Variants in PTPRT observed in about 807,000 individuals in gnomAD.
PTPRT encodes the protein receptor-type tyrosine-protein phosphatase T.
In PTPRT, 56 loss-of-function variants were observed where a neutral mutation model predicts 176.8. The observed-to-expected ratio is 0.32, with a 90% CI of 0.26 to 0.40. The LOEUF (loss-of-function observed/expected upper bound fraction) is 0.40. Among genes scored for constraint, PTPRT ranks in the 10% least tolerant of loss-of-function variants. PTPRT has a pLI of 1.00. For synonymous variants in PTPRT, 783 were observed against 739.0 expected, an observed-to-expected ratio of 1.06 and a Z score of -0.96; for missense variants, 1,540 against 1,908.2, an observed-to-expected ratio of 0.81 and a Z score of 3.60.
intron 9 of PTPRT, among the ~76,000 whole-genome samples, chr20:42,438,362 T>G (rs537364461): frequency 6.6e-6 from 1 of 152,258 alleles, no homozygotes; most frequent in South Asian, 2.1e-4. Flanking sequence ...GGGAGCCCAC[T>G]GAAATGAAAG....
chr20:42,975,608 T>A (rs1982900730), intron 1 of PTPRT, among the ~76,000 whole-genome samples: 1 of 152,162 alleles, frequency 6.6e-6, no homozygotes, highest in South Asian at 2.1e-4. Context: ...TTCATAGTAT[T>A]GTGACGATGC....
chr20:42,920,592 A>G (rs1002202359), intron 1 of PTPRT, among the ~76,000 whole-genome samples: 1 of 152,108 alleles, frequency 6.6e-6, no homozygotes, highest in Non-Finnish European at 1.5e-5. Flanking sequence ...AGAGGAGAGG[A>G]AAAAAAGTCA....
intron 1 of PTPRT, among the ~76,000 whole-genome samples, chr20:43,069,525 T>C (rs1395716446): frequency 6.6e-6 from 1 of 152,250 alleles, no homozygotes; most frequent in Non-Finnish European, 1.5e-5. Flanking sequence ...AAACCCATTA[T>C]ATTTATTCAT....
rs372414965 is a variant in PTPRT at position 42,257,418 on chromosome 20, T to A, written c.2177-8596A>T. ...GCTGCCGTTTTAAACCCTTCACATATATTCTCTCTTTTAATCTTCACTGCC... is the reference window on the plus strand; with the variant it reads ...GCTGCCGTTTTAAACCCTTCACATAAATTCTCTCTTTTAATCTTCACTGCC... On this transcript the variant is annotated intron_variant, in intron 13 of 30. Coordinates refer to ENST00000373187, the MANE Select transcript of PTPRT (RefSeq NM_007050.6). Among the ~76,000 whole-genome samples the A allele has an allele frequency of 1.6e-4, 25 of 152,090 alleles. 1 individual carries two copies. The highest frequency in any genetic ancestry group is 6.0e-4 in the African/African-American group (25 of 41,432).
rs62203509 is a variant in PTPRT at position 42,456,081 on chromosome 20, G to A, written c.1451-7752C>T. Among the ~76,000 whole-genome samples, 1,320 of 151,908 alleles carry A rather than the reference G, an allele frequency of 8.7e-3. 11 individuals are homozygous for A. Among genetic ancestry groups the A allele is most frequent in the Middle Eastern group, 0.014 (4 of 292 alleles). ...ATCTTTTATTTAGGCCTTCCTTAAC[G>A]TCTTTCAGTGTTTTATAGATTTATA... On this transcript the variant is annotated intron_variant, in intron 8 of 30. Transcript: ENST00000373187.
intron 7 of PTPRT, among the ~76,000 whole-genome samples, chr20:42,667,264 T>C (rs933910597): frequency 2.0e-5 from 3 of 152,186 alleles, no homozygotes; most frequent in Admixed American, 6.5e-5. Flanking sequence ...TCCGGGCCAT[T>C]TGAGCAAGTG....
Position 42,812,208 on chromosome 20 carries a change from G to A in PTPRT, c.215-20742C>T, listed in dbSNP as rs185355037. Among the ~76,000 whole-genome samples the A allele has an allele frequency of 4.0e-5, 6 of 151,784 alleles. No homozygotes were observed. In the East Asian group the frequency reaches 1.2e-3, roughly 29 times the overall value. On this transcript the variant is annotated intron_variant, in intron 2 of 30. Coordinates refer to ENST00000373187, the MANE Select transcript of PTPRT (RefSeq NM_007050.6). ...GTACCAAATTTTCCTGGAATACATT[G>A]TCTCTTTATTATTATTTTACTACAA...
intron 1 of PTPRT, among the ~76,000 whole-genome samples, chr20:42,974,701 AG>A (rs1165752204): frequency 6.6e-6 from 1 of 152,260 alleles, no homozygotes; most frequent in Non-Finnish European, 1.5e-5. Context: ...GACAGAGAAG[AG>A]GAAAAATCTG....
At chr20:42,455,185 GA>G (rs2070899151) in intron 8 of PTPRT, among the ~76,000 whole-genome samples, 1 of 152,004 alleles carries the variant, frequency 6.6e-6, no homozygotes, top group South Asian at 2.1e-4. Context: ...AAGTGAAATT[GA>G]AAAAGCAAAA....
intron 12 of PTPRT, among the ~76,000 whole-genome samples, chr20:42,307,250 T>A (rs2057557077): frequency 6.6e-6 from 1 of 152,208 alleles, no homozygotes. Flanking sequence ...TGGAAACTTG[T>A]AGAACGAATG....
rs866314664 is a variant in PTPRT at position 43,008,793 on chromosome 20, A to C, written c.89-122861T>G. On this transcript the variant is annotated intron_variant, in intron 1 of 30. Coordinates refer to ENST00000373187, the MANE Select transcript of PTPRT (RefSeq NM_007050.6). ...GCAACCCAAACTCGAATTAAGATACAGGCTCCTAGTGAGCCCAGAGAGCCA... is the reference window on the plus strand; with the variant it reads ...GCAACCCAAACTCGAATTAAGATACCGGCTCCTAGTGAGCCCAGAGAGCCA... Among the ~76,000 whole-genome samples the C allele has an allele frequency of 2.6e-5, 4 of 152,326 alleles. No homozygotes were observed. In the Middle Eastern group the frequency reaches 0.01, roughly 389 times the overall value.
intron 1 of PTPRT, among the ~76,000 whole-genome samples, chr20:42,889,537 G>T (rs2079157287): frequency 6.6e-6 from 1 of 152,192 alleles, no homozygotes. Flanking sequence ...AGAAAATGGG[G>T]ACCGTAAGGT....
intron 7 of PTPRT, among the ~76,000 whole-genome samples, chr20:42,593,236 C>A (rs566034557): frequency 6.6e-6 from 1 of 152,268 alleles, no homozygotes; most frequent in African/African-American, 2.4e-5. Flanking sequence ...TATTGGATGC[C>A]AAAATCCTCC....
At chr20:42,192,882 G>A (rs539907954) in intron 16 of PTPRT, among the ~76,000 whole-genome samples, 3 of 152,238 alleles carry the variant, frequency 2.0e-5, no homozygotes, top group African/African-American at 7.2e-5. Context: ...GGATGATTCC[G>A]GCAGAACCTG....
At chr20:42,086,433 T>G (rs1983914859) in intron 27 of PTPRT, among the ~76,000 whole-genome samples, 1 of 152,092 alleles carries the variant, frequency 6.6e-6, no homozygotes, top group South Asian at 2.1e-4. Context: ...TTGTTAGGTT[T>G]GCTTAACCTG....
chr20:42,551,966 A>G (rs1354139024), intron 7 of PTPRT, among the ~76,000 whole-genome samples: 1 of 152,180 alleles, frequency 6.6e-6, no homozygotes, highest in Non-Finnish European at 1.5e-5. Context: ...CTATACATGA[A>G]GGGGATGCTT....
intron 7 of PTPRT, among the ~76,000 whole-genome samples, chr20:42,644,133 A>G (rs555009795): frequency 1.7e-4 from 26 of 152,122 alleles, no homozygotes; most frequent in South Asian, 1.0e-3. Flanking sequence ...AAGAATCCCA[A>G]TCTGCAACTG....
intron 3 of PTPRT, among the ~76,000 whole-genome samples, chr20:42,789,287 T>C (rs920559496): frequency 1.7e-4 from 26 of 152,216 alleles, no homozygotes; most frequent in African/African-American, 6.3e-4. Flanking sequence ...TAAAATGTAT[T>C]ACTAAAATTA....
intron 1 of PTPRT, among the ~76,000 whole-genome samples, chr20:42,950,070 G>A (rs11905889): frequency 6.6e-6 from 1 of 152,166 alleles, no homozygotes; most frequent in South Asian, 2.1e-4. Flanking sequence ...AAGCGGTACT[G>A]CAAGTGTTAT....
Sources: gnomAD v4.1 joint callset for allele counts (sites outside exome capture counted in the v4.1 genomes callset) on GRCh38, gnomAD v4.1.1 for gene constraint, MANE v1.5 for transcripts, NCBI Gene and HGNC (gene_info 2026-07-23, HGNC 2026-07-21) for gene names.